The following CAMKV variants were observed in gnomAD, a reference collection of about 807,000 sequenced individuals.
The protein encoded by CAMKV is CaM kinase like vesicle associated.
A neutral mutation model predicts 50.2 loss-of-function variants in CAMKV; 5 were observed. The observed-to-expected ratio is 0.10, with a 90% CI of 0.05 to 0.21. CAMKV has a LOEUF of 0.21. Among genes scored for constraint, CAMKV ranks in the 10% least tolerant of loss-of-function variants. CAMKV has a pLI of 1.00. For missense variants in CAMKV, 361 were observed against 650.5 expected (o/e 0.55, Z 4.84); for synonymous variants, 229 against 250.1 (o/e 0.92, Z 0.80).
At position 49,859,639 on chromosome 3, in the gene CAMKV, G is replaced by T; in HGVS notation, c.1185C>A (p.Thr395=). The change falls in exon 11 of 11, where the codon ACC becomes ACA. Residue 395 remains threonine (T), a synonymous_variant. Transcript: ENST00000477224. This position sits in a 1 kb window ranked among gnomAD's most constrained non-coding sequence, Gnocchi z 5.5. ...GGGTGACACTGCCATCAGTGGCTGG[G>T]GTGGCACTTCCATCTGTGGCTGGGG... is the stretch of plus-strand genomic sequence containing the variant. The part of the protein sequence containing the change: ...SATPATDGSA[T]PATDGSVTPA... 1.2e-6 allele frequency: 2 copies of T among 1,614,062 alleles called. No homozygotes were observed. Among genetic ancestry groups the T allele is most frequent in the Non-Finnish European group, 1.7e-6 (2 of 1,179,962 alleles).
In CAMKV at chr3:49,862,138, G is replaced by A. The variant is rs747162209; in HGVS notation, c.134C>T (p.Thr45Met). The A allele has an allele frequency of 1.8e-5, 29 of 1,614,062 alleles. No homozygotes were observed. Among genetic ancestry groups the A allele is most frequent in the East Asian group, 2.2e-5 (1 of 44,898 alleles). The stretch of plus-strand genomic sequence containing the variant: ...CTTGCAGGTGTGCAGCTTGCCTGTC[G>A]TCTTGTCCTTGGCCCGGAAGATTTC... Reference protein sequence around the residue: ...FCEIFRAKDKTTGKLHTCKKF... With the variant: ...FCEIFRAKDKMTGKLHTCKKF... The change falls in exon 3 of 11, where the codon ACG (threonine) becomes ATG (methionine). Residue 45 changes from threonine to methionine, a missense_variant. This residue lies in a region of CAMKV where 172 missense variants were observed against 414.3 expected (regional missense o/e 0.42). Coordinates refer to ENST00000477224, the MANE Select transcript of CAMKV (RefSeq NM_024046.5). This position sits in a 1 kb window ranked among gnomAD's most constrained non-coding sequence, Gnocchi z 5.2.
At chr3:49,868,849 C>G (rs1327603654) in intron 1 of CAMKV, among the ~76,000 whole-genome samples, 2 of 152,158 alleles carry the variant, frequency 1.3e-5, no homozygotes, top group African/African-American at 2.4e-5. Flanking sequence ...TAGTGTGGGA[C>G]AGAGGGCCCT....
In CAMKV at chr3:49,858,977, AG is replaced by A; in HGVS notation, c.*340del. The A allele has an allele frequency of 8.9e-6, 2 of 225,842 alleles. No homozygotes were observed. The highest frequency in any genetic ancestry group is 1.8e-4 in the East Asian group (2 of 11,022). 14.0% of individuals were successfully genotyped at this position (225,842 alleles called of 1,614,324 possible). A position where few individuals can be genotyped will look rare whatever the true frequency, so the allele number is the denominator to read the frequency against. On this transcript the variant is annotated 3_prime_UTR_variant, in exon 11 of 11. Transcript: ENST00000477224. ...GCAGGGCCTGCCTAGGGGAATGGTG[AG>A]GCAAGAAGGGAAGGGGAAGGAGAGC...
In CAMKV at chr3:49,860,641, A is replaced by G. The variant is rs2082012669; in HGVS notation, c.775+75T>C. 2 of 1,611,466 alleles carry G rather than the reference A, an allele frequency of 1.2e-6. No individual in the cohort carries two copies. On this transcript the variant is annotated intron_variant, in intron 8 of 10. Coordinates refer to ENST00000477224, the MANE Select transcript of CAMKV (RefSeq NM_024046.5). The surrounding 1 kb of genome is among the most constrained non-coding windows in gnomAD (Gnocchi z 6.1). Reference sequence around the variant, plus strand: ...GGCTGGGGGACAGAAGCAGAATACCACAGAGGAAGATGAGAGCAGGACACC... The same window carrying G: ...GGCTGGGGGACAGAAGCAGAATACCGCAGAGGAAGATGAGAGCAGGACACC...
In CAMKV at chr3:49,861,033, C is replaced by G; in HGVS notation, c.563-15G>C. 1.2e-6 allele frequency: 2 copies of G among 1,613,998 alleles called. No individual in the cohort carries two copies. Among genetic ancestry groups the G allele is most frequent in the Non-Finnish European group, 1.7e-6 (2 of 1,180,006 alleles). On this transcript the variant is annotated splice_polypyrimidine_tract_variant and intron_variant, in intron 6 of 10. Coordinates refer to ENST00000477224, the MANE Select transcript of CAMKV (RefSeq NM_024046.5). This position sits in a 1 kb window ranked among gnomAD's most constrained non-coding sequence, Gnocchi z 7.7. ...CACCTCTGGGGCTACAAACACAGCG[C>G]CCATCTGCTGGTCAGTATCAGGCCT... is the stretch of plus-strand genomic sequence containing the variant.
Position 49,858,046 on chromosome 3 carries a change from A to G in CAMKV, c.*1272T>C. On this transcript the variant is annotated 3_prime_UTR_variant, in exon 11 of 11. Coordinates refer to ENST00000477224, the MANE Select transcript of CAMKV (RefSeq NM_024046.5). Reference sequence around the variant, plus strand: ...CAGTAGGCACACAGTTAACCCACCGACCTTCACACACCAGAGCAGACCCAC... The same window carrying G: ...CAGTAGGCACACAGTTAACCCACCGGCCTTCACACACCAGAGCAGACCCAC... The G allele has an allele frequency of 2.6e-6, 1 of 389,366 alleles. No individual in the cohort carries two copies. The highest frequency in any genetic ancestry group is 4.5e-6 in the Non-Finnish European group (1 of 220,546). The allele number at this position is 389,366 out of a possible 1,614,324, so 24.1% of individuals were successfully genotyped here.
chr3:49,868,217 T>G (rs1467558299), intron 1 of CAMKV, among the ~76,000 whole-genome samples: 1 of 152,080 alleles, frequency 6.6e-6, no homozygotes, highest in Admixed American at 6.5e-5. Flanking sequence ...CTGCTTCCCT[T>G]TATAGTCCCT....
chr3:49,867,140 G>A (rs1203198180), intron 1 of CAMKV, among the ~76,000 whole-genome samples: 1 of 152,224 alleles, frequency 6.6e-6, no homozygotes, highest in African/African-American at 2.4e-5. Flanking sequence ...CAATGAACAT[G>A]CTGAAGCCCA....
chr3:49,865,458 T>C (rs940849154), intron 1 of CAMKV, among the ~76,000 whole-genome samples: 23 of 152,020 alleles, frequency 1.5e-4, no homozygotes, highest in Middle Eastern at 3.4e-3. Context: ...AGAGTGCCCT[T>C]CCCCCAAAAG....
In CAMKV at chr3:49,860,532, T is replaced by G. The variant is rs140497968; in HGVS notation, c.793A>C (p.Arg265=). The part of the protein sequence containing the change: ...ISQAAKDLVT[R]LMEVEQDQRI... Reference sequence around the variant, plus strand: ...TGGTCTTGCTCCACCTCCATCAGCCTTGTGACCAGGTCTTTGGCTGTGGAC... The same window carrying G: ...TGGTCTTGCTCCACCTCCATCAGCCGTGTGACCAGGTCTTTGGCTGTGGAC... Residue 265 remains arginine (R), a synonymous_variant, in exon 9 of 11, where the codon AGG becomes CGG. Transcript: ENST00000477224. This position sits in a 1 kb window ranked among gnomAD's most constrained non-coding sequence, Gnocchi z 6.1. 95 of 1,613,284 alleles carry G rather than the reference T, an allele frequency of 5.9e-5. 1 individual carries two copies. The African/African-American group carries it at 1.2e-3, about 20-fold the overall frequency.
Position 49,869,044 on chromosome 3 carries a change from G to C in CAMKV, c.-15+714C>G, listed in dbSNP as rs1010674356. On this transcript the variant is annotated intron_variant, in intron 1 of 10. Coordinates refer to ENST00000477224, the MANE Select transcript of CAMKV (RefSeq NM_024046.5). This position sits in a 1 kb window ranked among gnomAD's most constrained non-coding sequence, Gnocchi z 5.2. Reference sequence around the variant, plus strand: ...CCAGCCACCTCCAGCCAGGGGCCCTGCTCCCCACCGTGCTGCCACCCTGAC... The same window carrying C: ...CCAGCCACCTCCAGCCAGGGGCCCTCCTCCCCACCGTGCTGCCACCCTGAC... 5.9e-5 allele frequency among the ~76,000 whole-genome samples: 9 copies of C among 152,208 alleles called. No homozygotes were observed. Among genetic ancestry groups the C allele is most frequent in the Admixed American group, 5.2e-4 (8 of 15,292 alleles).
intron 1 of CAMKV, among the ~76,000 whole-genome samples, chr3:49,866,605 G>A (rs1268697551): frequency 2.0e-5 from 3 of 152,226 alleles, no homozygotes; most frequent in African/African-American, 4.8e-5. Flanking sequence ...TGCAGGCCCT[G>A]GTGCGGCCAT....
At position 49,860,588 on chromosome 3, in the gene CAMKV, C is replaced by A; in HGVS notation, c.776-39G>T. The A allele has an allele frequency of 6.2e-7, 1 of 1,610,912 alleles. No individual in the cohort carries two copies. Among genetic ancestry groups the A allele is most frequent in the Non-Finnish European group, 8.5e-7 (1 of 1,177,820 alleles). ...CAAGAAGGGGATAGTCATGGGCACC[C>A]CATCTCAATGTCTAGAGGTGATAAA... is the stretch of plus-strand genomic sequence containing the variant. On this transcript the variant is annotated intron_variant, in intron 8 of 10. Coordinates refer to ENST00000477224, the MANE Select transcript of CAMKV (RefSeq NM_024046.5). The surrounding 1 kb of genome is among the most constrained non-coding windows in gnomAD (Gnocchi z 6.1).
At position 49,858,929 on chromosome 3, in the gene CAMKV, G is replaced by T; in HGVS notation, c.*389C>A. On this transcript the variant is annotated 3_prime_UTR_variant, in exon 11 of 11. Transcript: ENST00000477224. The stretch of plus-strand genomic sequence containing the variant: ...CTCAGGGCAAGGCCGCCCAAGTTTA[G>T]GGCCTGGGAGAGTGTGGGACCTGCA... The T allele has an allele frequency of 5.2e-6, 1 of 190,594 alleles. No homozygotes were observed. The highest frequency in any genetic ancestry group is 1.1e-5 in the Non-Finnish European group (1 of 91,414). 11.8% of individuals were successfully genotyped at this position (190,594 alleles called of 1,614,324 possible).
rs773741414 is a variant in CAMKV, at chr3:49,859,548, C to G, written c.1276G>C (p.Ala426Pro). The G allele has an allele frequency of 4.3e-6, 7 of 1,614,024 alleles. No homozygotes were observed. The highest frequency in any genetic ancestry group is 5.9e-6 in the Non-Finnish European group (7 of 1,179,980). ...GCTCTCCCATCAGTGGCTGGAGTAG[C>G]GCTCCTGTCAGTGGCTGGGGTGACA... ...GSVTPATDRS[A>P]TPATDGRATP... Residue 426 changes from alanine to proline, a missense_variant, in exon 11 of 11, where the codon GCT becomes CCT. Coordinates refer to ENST00000477224, the MANE Select transcript of CAMKV (RefSeq NM_024046.5). This position sits in a 1 kb window ranked among gnomAD's most constrained non-coding sequence, Gnocchi z 5.5.
chr3:49,868,964 G>C (rs1575411216), intron 1 of CAMKV, among the ~76,000 whole-genome samples: 1 of 152,262 alleles, frequency 6.6e-6, no homozygotes. Flanking sequence ...AAGAGCCCAG[G>C]GTCTCTGCCA....
Position 49,861,491 on chromosome 3 carries a change from A to G in CAMKV, c.389T>C (p.Leu130Pro), listed in dbSNP as rs1273162438. 6.2e-7 allele frequency: 1 copy of G among 1,614,196 alleles called. No homozygotes were observed. The highest frequency in any genetic ancestry group is 8.5e-7 in the Non-Finnish European group (1 of 1,180,048). ...TGAGTGCAAATAGGCCACGGCCTCC[A>G]GGACTTGCCGTACCACGTTGCTTGT... is the stretch of plus-strand genomic sequence containing the variant. The part of the protein sequence containing the change: ...RDTSNVVRQV[L>P]EAVAYLHSLK... Residue 130 changes from leucine to proline, a missense_variant, in exon 5 of 11, where the codon CTG becomes CCG. By Grantham distance (98) the Leu-to-Pro change is moderately conservative. Coordinates refer to ENST00000477224, the MANE Select transcript of CAMKV (RefSeq NM_024046.5). The surrounding 1 kb of genome is among the most constrained non-coding windows in gnomAD (Gnocchi z 7.7).
In CAMKV at chr3:49,859,666, G is replaced by A. The variant is rs1406609704; in HGVS notation, c.1158C>T (p.Ala386=). Residue 386 remains alanine, a synonymous_variant, in exon 11 of 11, where the codon GCC becomes GCT. Transcript: ENST00000477224. This position sits in a 1 kb window ranked among gnomAD's most constrained non-coding sequence, Gnocchi z 5.5. ...SDNVAPADRS[A]TPATDGSATP... ...TGGCACTTCCATCTGTGGCTGGGGTGGCACTACGGTCTGCGGGGGCCACAT... is the reference window on the plus strand; with the variant it reads ...TGGCACTTCCATCTGTGGCTGGGGTAGCACTACGGTCTGCGGGGGCCACAT... The A allele has an allele frequency of 1.2e-6, 2 of 1,614,128 alleles. No homozygotes were observed. Among genetic ancestry groups the A allele is most frequent in the Non-Finnish European group, 1.7e-6 (2 of 1,180,006 alleles).
chr3:49,865,996 C>T (rs1289346830), intron 1 of CAMKV, among the ~76,000 whole-genome samples: 1 of 152,190 alleles, frequency 6.6e-6, no homozygotes, highest in Non-Finnish European at 1.5e-5. Context: ...GGCCTCCACC[C>T]CGTAATGTCA....
Sources: allele counts gnomAD v4.1 joint callset (sites outside exome capture counted in the v4.1 genomes callset), GRCh38; gene constraint gnomAD v4.1.1; regional missense constraint gnomAD v4.1.1; non-coding constraint Gnocchi (gnomAD v3.1); transcripts MANE v1.5; gene names NCBI Gene and HGNC (gene_info 2026-07-23, HGNC 2026-07-21).